CELF5: variants seen among roughly 807,000 people sequenced by gnomAD.
CELF5 encodes CUG-BP and ETR-3 like factor 5.
CELF5 carries 6 observed loss-of-function variants against 54.9 expected under a neutral mutation model. The observed-to-expected ratio is 0.11, with a 90% CI of 0.06 to 0.22. CELF5 has a LOEUF of 0.22. CELF5 is among the 10% of genes least tolerant of loss of function. The pLI is 1.00. For synonymous variants in CELF5, 271 were observed against 290.9 expected (o/e 0.93, Z 0.70); for missense variants, 401 against 678.6 (o/e 0.59, Z 4.54).
intron 2 of CELF5, among the ~76,000 whole-genome samples, chr19:3,252,605 A>C (rs184689518): frequency 1.4e-4 from 22 of 152,232 alleles, no homozygotes; most frequent in Admixed American, 1.4e-3. Context: ...TGACTGTAGG[A>C]AATCTGACGT....
At chr19:3,267,841 C>A (rs896397987) in intron 2 of CELF5, among the ~76,000 whole-genome samples, 1 of 152,156 alleles carries the variant, frequency 6.6e-6, no homozygotes, top group Admixed American at 6.6e-5. Context: ...GGACCCCTAC[C>A]TCCCCTGCTT....
intron 5 of CELF5, among the ~76,000 whole-genome samples, chr19:3,279,130 G>A (rs936086445): frequency 1.3e-5 from 2 of 152,136 alleles, no homozygotes; most frequent in African/African-American, 4.8e-5. Flanking sequence ...TCCAGCTGAG[G>A]TAGGAGGAGG....
rs1343135342 is a variant in CELF5 at position 3,228,507 on chromosome 19, G to T, written c.259+3509G>T. ...AGGGGAAGGTGCCCACGGTGGTACT[G>T]GTCCGCCGCTGCCACTGGGCCCCCC... On this transcript the variant is annotated intron_variant, in intron 1 of 12. Coordinates refer to ENST00000292672, the MANE Select transcript of CELF5 (RefSeq NM_021938.4). The surrounding 1 kb of genome is among the most constrained non-coding windows in gnomAD (Gnocchi z 6.0). 6.6e-6 allele frequency among the ~76,000 whole-genome samples: 1 copy of T among 152,204 alleles called. No homozygotes were observed. The highest frequency in any genetic ancestry group is 1.5e-5 in the Non-Finnish European group (1 of 68,032).
At chr19:3,295,847 G>GC (rs1004613654) in intron 12 of CELF5, 2 of 151,810 alleles carry the variant, frequency 1.3e-5, no homozygotes, top group Non-Finnish European at 2.9e-5. Context: ...CGTCGGAGGG[G>GC]GGGGGCGGAC....
At chr19:3,245,974 C>T (rs528519484) in intron 1 of CELF5, among the ~76,000 whole-genome samples, 3 of 152,332 alleles carry the variant, frequency 2.0e-5, no homozygotes, top group Non-Finnish European at 4.4e-5. Flanking sequence ...TAGGCACAAC[C>T]CACTTCAGAA....
chr19:3,250,249 G>A (rs1385396009), intron 1 of CELF5, among the ~76,000 whole-genome samples: 1 of 152,246 alleles, frequency 6.6e-6, no homozygotes, highest in Non-Finnish European at 1.5e-5. Flanking sequence ...AGCACTTCGG[G>A]AGGCCGAGGC....
Position 3,285,942 on chromosome 19 carries a change from C to T in CELF5, c.1103C>T (p.Ala368Val), listed in dbSNP as rs769803579. Reference sequence around the variant, plus strand: ...CTGTGTCTCGCTCCGGTCTCCGCAGCCATGTACCCCACCGCGGCCATCACG... The same window carrying T: ...CTGTGTCTCGCTCCGGTCTCCGCAGTCATGTACCCCACCGCGGCCATCACG... ...PAFSGVQQYT[A>V]MYPTAAITPI... The change falls in exon 10 of 13, where the codon GCC becomes GTC. Residue 368 changes from alanine to valine, a missense_variant and splice_region_variant. Coordinates refer to ENST00000292672, the MANE Select transcript of CELF5 (RefSeq NM_021938.4). 1 of 1,583,294 alleles carries T rather than the reference C, an allele frequency of 6.3e-7. No homozygotes were observed. The highest frequency in any genetic ancestry group is 8.5e-7 in the Non-Finnish European group (1 of 1,170,938).
At chr19:3,283,495 C>T (rs34493195) in intron 8 of CELF5, among the ~76,000 whole-genome samples, 17,473 of 152,136 alleles carry the variant, frequency 0.11, 1,099 homozygotes, top group Middle Eastern at 0.15. Context: ...GGACTACAAG[C>T]ATGTGCCATC....
intron 1 of CELF5, among the ~76,000 whole-genome samples, chr19:3,250,620 A>G (rs567673158): frequency 3.9e-4 from 60 of 152,174 alleles, no homozygotes; most frequent in Non-Finnish European, 6.3e-4. Context: ...TCCCCATGAT[A>G]CACTCAGTCC....
In CELF5 at chr19:3,268,376, A is replaced by G. The variant is rs1457780048; in HGVS notation, c.343-5496A>G. Reference sequence around the variant, plus strand: ...GCTGAACGCAGAACCCGAGCTCGGCACACAGGCACAGAATAAATGAATGAA... The same window carrying G: ...GCTGAACGCAGAACCCGAGCTCGGCGCACAGGCACAGAATAAATGAATGAA... On this transcript the variant is annotated intron_variant, in intron 2 of 12. Transcript: ENST00000292672. The surrounding 1 kb of genome is among the most constrained non-coding windows in gnomAD (Gnocchi z 4.4). Among the ~76,000 whole-genome samples the G allele has an allele frequency of 2.0e-5, 3 of 152,170 alleles. No individual in the cohort carries two copies. Among genetic ancestry groups the G allele is most frequent in the African/African-American group, 7.2e-5 (3 of 41,440 alleles).
chr19:3,276,477 G>C (rs1484246806), intron 4 of CELF5, among the ~76,000 whole-genome samples: 1 of 150,740 alleles, frequency 6.6e-6, no homozygotes, highest in East Asian at 2.0e-4. Flanking sequence ...ACTGGCTCCA[G>C]GGGGAGAGGC....
At chr19:3,232,862 G>C (rs1265477464) in intron 1 of CELF5, among the ~76,000 whole-genome samples, 2 of 152,028 alleles carry the variant, frequency 1.3e-5, no homozygotes, top group Non-Finnish European at 2.9e-5. Flanking sequence ...ATCACCAGAG[G>C]TCGGGAGTTC....
At chr19:3,286,102 G>GC (rs1245216012) in intron 10 of CELF5, 77 bp downstream of exon 10, 1 of 1,294,664 alleles carries the variant, frequency 7.7e-7, no homozygotes, top group Non-Finnish European at 1.0e-6. Context: ...TCCGTGTCTG[G>GC]CCCGGGCCTC....
rs965433546 is a variant in CELF5 at position 3,282,626 on chromosome 19, C to A, written c.1039+128C>A. 7 of 1,075,388 alleles carry A rather than the reference C, an allele frequency of 6.5e-6. No individual in the cohort carries two copies. In the African/African-American group the frequency reaches 9.5e-5, roughly 15 times the overall value. 66.6% of individuals were successfully genotyped at this position (1,075,388 alleles called of 1,614,324 possible). A position where few individuals can be genotyped will look rare whatever the true frequency, so the allele number is the denominator to read the frequency against. ...AAGGGCAGGAAAAAGGGTGTCTCCG[C>A]TGAGCAGATAAGAGCTGTGGACACA... On this transcript the variant is annotated intron_variant, in intron 8 of 12. Transcript: ENST00000292672. This position sits in a 1 kb window ranked among gnomAD's most constrained non-coding sequence, Gnocchi z 5.2.
chr19:3,245,010 TGTGTGTA>T (rs1277197834), intron 1 of CELF5, among the ~76,000 whole-genome samples: 2 of 149,992 alleles, frequency 1.3e-5, no homozygotes, highest in Admixed American at 6.7e-5. Flanking sequence ...TCTGTGCGTG[TGTGTGTA>T]GTGTGTGGTG....
chr19:3,244,560 G>GT (rs1267206061), intron 1 of CELF5, among the ~76,000 whole-genome samples: 2 of 149,488 alleles, frequency 1.3e-5, no homozygotes, highest in African/African-American at 4.9e-5. Context: ...CATGCATTGC[G>GT]TGTGATGTGT....
At chr19:3,248,962 C>A (rs541030872) in intron 1 of CELF5, among the ~76,000 whole-genome samples, 5 of 142,740 alleles carry the variant, frequency 3.5e-5, no homozygotes, top group Admixed American at 2.9e-4. Context: ...TTTCTTAATG[C>A]TGGAAACTGT....
intron 12 of CELF5, chr19:3,295,474 C>T (rs1173181966): frequency 1.3e-5 from 2 of 152,230 alleles, no homozygotes; most frequent in Non-Finnish European, 2.9e-5. Flanking sequence ...GGGCCGGTCA[C>T]TCAGCGGGGG....
In CELF5 at chr19:3,264,189, G is replaced by A. The variant is rs145716097; in HGVS notation, c.343-9683G>A. Among the ~76,000 whole-genome samples the A allele has an allele frequency of 3.5e-3, 538 of 151,742 alleles. 5 individuals are homozygous for A. The highest frequency in any genetic ancestry group is 0.012 in the African/African-American group (509 of 41,362). On this transcript the variant is annotated intron_variant, in intron 2 of 12. Transcript: ENST00000292672. ...CTCAGTAGGCTGAGGCAGGAGGATC[G>A]CTTGAGCCCAGGAGCTTGCGACCAG...
Sources: allele counts gnomAD v4.1 joint callset (sites outside exome capture counted in the v4.1 genomes callset), GRCh38; gene constraint gnomAD v4.1.1; non-coding constraint Gnocchi (gnomAD v3.1); transcripts MANE v1.5; gene names NCBI Gene and HGNC (gene_info 2026-07-23, HGNC 2026-07-21).